Variants in FHIT observed in about 807,000 individuals in gnomAD.
The protein encoded by FHIT is fragile histidine triad diadenosine triphosphatase.
A neutral mutation model predicts 17.9 loss-of-function variants in FHIT; 19 were observed. The ratio of observed to expected loss-of-function variants is 1.06; its 90% confidence interval spans 0.74 to 1.56. The LOEUF (loss-of-function observed/expected upper bound fraction) is 1.56. Among genes scored for constraint, FHIT ranks in the 40% most tolerant of loss-of-function variants. FHIT has a pLI of 0.00. For synonymous variants in FHIT, 81 were observed against 69.7 expected (o/e 1.16, Z -0.81); for missense variants, 248 against 189.2 (o/e 1.31, Z -1.82).
rs140602291 is a variant in FHIT at position 59,995,792 on chromosome 3, T to C, written c.279+15579A>G. 2.8e-3 allele frequency among the ~76,000 whole-genome samples: 428 copies of C among 152,144 alleles called. 1 individual carries two copies. The highest frequency in any genetic ancestry group is 0.01 in the Middle Eastern group (3 of 294). Reference sequence around the variant, plus strand: ...TAAAGAACCAACTCGGCACGTTCCATTTCATTTGACTCACTTGCTTAGATA... The same window carrying C: ...TAAAGAACCAACTCGGCACGTTCCACTTCATTTGACTCACTTGCTTAGATA... On this transcript the variant is annotated intron_variant, in intron 7 of 9. Coordinates refer to ENST00000492590, the MANE Select transcript of FHIT (RefSeq NM_002012.4).
intron 8 of FHIT, among the ~76,000 whole-genome samples, chr3:59,858,424 C>T (rs1439193751): frequency 2.0e-5 from 3 of 151,866 alleles, no homozygotes; most frequent in African/African-American, 7.3e-5. Flanking sequence ...GACGGGGTTT[C>T]ACCATGTTGG....
intron 5 of FHIT, among the ~76,000 whole-genome samples, chr3:60,522,267 C>T (rs2035400690): frequency 6.6e-6 from 1 of 152,082 alleles, no homozygotes; most frequent in South Asian, 2.1e-4. Context: ...CCCACCAGCA[C>T]ACCTGGCTAA....
chr3:60,416,800 G>A (rs1702262242), intron 5 of FHIT, among the ~76,000 whole-genome samples: 1 of 152,064 alleles, frequency 6.6e-6, no homozygotes, highest in African/African-American at 2.4e-5. Context: ...AAAAATCTGA[G>A]AACAGGCCGG....
At chr3:59,856,918 T>C (rs684584) in intron 8 of FHIT, among the ~76,000 whole-genome samples, 76,278 of 151,530 alleles carry the variant, frequency 0.5, 21,448 homozygotes, top group African/African-American at 0.76. Flanking sequence ...CCACCCTGAA[T>C]GGTGGAGATT....
chr3:59,868,034 G>A (rs1036936125), intron 8 of FHIT, among the ~76,000 whole-genome samples: 1 of 95,800 alleles, frequency 1.0e-5, no homozygotes, highest in South Asian at 4.0e-4. Context: ...CTGTGGAAAT[G>A]TTTTTTTTTT....
intron 4 of FHIT, among the ~76,000 whole-genome samples, chr3:60,560,844 C>CACACACAG (rs139684970): frequency 1.7e-3 from 211 of 122,336 alleles, no homozygotes; most frequent in Middle Eastern, 4.4e-3. Context: ...CACACACACA[C>CACACACAG]AGAGAGAGAG....
intron 5 of FHIT, among the ~76,000 whole-genome samples, chr3:60,521,553 T>C (rs1372655782): frequency 1.3e-5 from 2 of 152,278 alleles, no homozygotes; most frequent in South Asian, 2.1e-4. Context: ...GGCCAAAAGT[T>C]ATAATTATTA....
intron 5 of FHIT, among the ~76,000 whole-genome samples, chr3:60,254,226 A>C (rs1705869617): frequency 6.6e-6 from 1 of 152,186 alleles, no homozygotes; most frequent in Admixed American, 6.5e-5. Flanking sequence ...TGTGAGGTAT[A>C]ATCAGTATCT....
intron 5 of FHIT, among the ~76,000 whole-genome samples, chr3:60,486,787 C>T (rs1285067707): frequency 2.6e-5 from 4 of 152,158 alleles, no homozygotes; most frequent in South Asian, 2.1e-4. Flanking sequence ...CACCAATAAA[C>T]GTGATCTTTG....
At chr3:60,637,150 A>G (rs2039608651) in intron 4 of FHIT, among the ~76,000 whole-genome samples, 2 of 152,098 alleles carry the variant, frequency 1.3e-5, no homozygotes, top group African/African-American at 4.8e-5. Context: ...TGCTTAGAGA[A>G]AAAAAAAGAC....
chr3:59,986,525 A>T (rs13088038), intron 7 of FHIT, among the ~76,000 whole-genome samples: 596 of 2,632 alleles, frequency 0.23, 1 homozygote, highest in South Asian at 0.43. Context: ...ATATATATAT[A>T]TATATATATA....
In FHIT at chr3:60,729,986, C is replaced by T. The variant is rs570745777; in HGVS notation, c.-18+91933G>A. 22 of 265,374 alleles carry T rather than the reference C, an allele frequency of 8.3e-5. 1 individual carries two copies. The Middle Eastern group carries it at 3.9e-3, about 47-fold the overall frequency. The allele number at this position is 265,374 out of a possible 1,614,324, so 16.4% of individuals were successfully genotyped here. ...AAACATAGAAATTAATGGCCTATGA[C>T]GTTATCACCAAGGTGTTTGGTAAAC... is the stretch of plus-strand genomic sequence containing the variant. On this transcript the variant is annotated intron_variant, in intron 4 of 9. Coordinates refer to ENST00000492590, the MANE Select transcript of FHIT (RefSeq NM_002012.4).
chr3:59,827,663 G>A (rs1029404406), intron 8 of FHIT, among the ~76,000 whole-genome samples: 1 of 152,216 alleles, frequency 6.6e-6, no homozygotes, highest in Non-Finnish European at 1.5e-5. Flanking sequence ...TCACTCAGTC[G>A]GGAATTAGTG....
intron 4 of FHIT, among the ~76,000 whole-genome samples, chr3:60,615,338 A>G (rs1308346025): frequency 1.3e-5 from 2 of 152,212 alleles, no homozygotes; most frequent in African/African-American, 4.8e-5. Flanking sequence ...AACTGCTCTC[A>G]GACATACCAG....
intron 5 of FHIT, among the ~76,000 whole-genome samples, chr3:60,136,989 C>G (rs1699842724): frequency 6.6e-6 from 1 of 152,048 alleles, no homozygotes; most frequent in Non-Finnish European, 1.5e-5. Flanking sequence ...ATAAAATATT[C>G]ACTAGGAAAA....
At chr3:59,984,232 G>C (rs964940751) in intron 7 of FHIT, among the ~76,000 whole-genome samples, 4 of 152,054 alleles carry the variant, frequency 2.6e-5, no homozygotes, top group African/African-American at 9.7e-5. Context: ...CTCCAGAACT[G>C]ATCATGAGAC....
In FHIT at chr3:60,793,170, T is replaced by C. The variant is rs542975705; in HGVS notation, c.-18+28749A>G. Among the ~76,000 whole-genome samples the C allele has an allele frequency of 1.7e-4, 26 of 152,342 alleles. No homozygotes were observed. The South Asian group carries it at 5.0e-3, about 29-fold the overall frequency. ...ATTTGATTCTATAGTATGTTATTTC[T>C]TTTATTTACATACATATGACATTCA... On this transcript the variant is annotated intron_variant, in intron 4 of 9. Coordinates refer to ENST00000492590, the MANE Select transcript of FHIT (RefSeq NM_002012.4).
chr3:59,876,964 C>A (rs575222879), intron 8 of FHIT, among the ~76,000 whole-genome samples: 1 of 152,250 alleles, frequency 6.6e-6, no homozygotes, highest in Non-Finnish European at 1.5e-5. Flanking sequence ...AGTTCCTTGT[C>A]CATCAAAAGA....
At chr3:59,981,426 C>G (rs1183425740) in intron 7 of FHIT, among the ~76,000 whole-genome samples, 2 of 152,098 alleles carry the variant, frequency 1.3e-5, no homozygotes, top group Non-Finnish European at 2.9e-5. Flanking sequence ...GTGACAAATT[C>G]AATATCCAAA....
Sources: allele counts gnomAD v4.1 joint callset (sites outside exome capture counted in the v4.1 genomes callset), GRCh38; gene constraint gnomAD v4.1.1; transcripts MANE v1.5; gene names NCBI Gene and HGNC (gene_info 2026-07-23, HGNC 2026-07-21).